The following PTPRA variants were observed in gnomAD, a reference collection of about 807,000 sequenced individuals.
PTPRA encodes the protein receptor-type tyrosine-protein phosphatase alpha.
A neutral mutation model predicts 104.8 loss-of-function variants in PTPRA; 25 were observed. The ratio of observed to expected loss-of-function variants is 0.24; its 90% CI spans 0.17 to 0.33. The LOEUF is 0.33. PTPRA is among the 10% of genes least tolerant of loss of function. The pLI, the probability that PTPRA is intolerant of heterozygous loss-of-function variation, is 1.00. For missense variants in PTPRA, 765 were observed against 1,015.3 expected (o/e 0.75, Z 3.35); for synonymous variants, 323 against 368.9 (o/e 0.88, Z 1.43).
chr20:2,930,149 CA>C (rs1449858780), intron 2 of PTPRA, among the ~76,000 whole-genome samples: 2 of 152,130 alleles, frequency 1.3e-5, no homozygotes, highest in African/African-American at 2.4e-5. Flanking sequence ...TGAATATAGA[CA>C]TTTAAGAAGG....
At chr20:2,958,017 C>T (rs2061600370) in intron 3 of PTPRA, among the ~76,000 whole-genome samples, 1 of 151,252 alleles carries the variant, frequency 6.6e-6, no homozygotes, top group African/African-American at 2.4e-5. Flanking sequence ...TTTTTCTTTC[C>T]ATGTTGGTGT....
chr20:2,923,932 T>C (rs1232340517), intron 2 of PTPRA, among the ~76,000 whole-genome samples: 2 of 152,206 alleles, frequency 1.3e-5, no homozygotes, highest in Non-Finnish European at 1.5e-5. Flanking sequence ...TAGAAAACTC[T>C]TTGGCAATAT....
At chr20:2,932,251 G>A (rs2060534057) in intron 2 of PTPRA, among the ~76,000 whole-genome samples, 1 of 152,050 alleles carries the variant, frequency 6.6e-6, no homozygotes, top group Middle Eastern at 3.2e-3. Context: ...TGAGAACGAA[G>A]GATTTAAGAA....
At position 3,028,244 on chromosome 20, in the gene PTPRA, G is replaced by A. The variant is rs544511595; in HGVS notation, c.1920+403G>A. Among the ~76,000 whole-genome samples the A allele has an allele frequency of 3.9e-5, 6 of 152,312 alleles. No homozygotes were observed. In the South Asian group the frequency reaches 1.2e-3, roughly 32 times the overall value. ...AGGGCAGATAGGTCAAGGTTCTGAG[G>A]TGGACCCAATATGAGTGTCCCTAAG... On this transcript the variant is annotated intron_variant, in intron 20 of 23. Coordinates refer to ENST00000399903, the MANE Select transcript of PTPRA (RefSeq NM_001385305.1).
In PTPRA at chr20:3,022,898, C is replaced by T; in HGVS notation, c.1464+74C>T. 1 of 1,592,286 alleles carries T rather than the reference C, an allele frequency of 6.3e-7. No individual in the cohort carries two copies. Among genetic ancestry groups the T allele is most frequent in the Non-Finnish European group, 8.6e-7 (1 of 1,167,530 alleles). On this transcript the variant is annotated intron_variant, in intron 16 of 23. Coordinates refer to ENST00000399903, the MANE Select transcript of PTPRA (RefSeq NM_001385305.1). This position sits in a 1 kb window ranked among gnomAD's most constrained non-coding sequence, Gnocchi z 4.6. The stretch of plus-strand genomic sequence containing the variant: ...CATCTGCCCACATTGAGGATTCACT[C>T]AGTCTCACAGGTTATTGTAAATGAT...
chr20:2,918,663 G>A (rs974072853), intron 1 of PTPRA, among the ~76,000 whole-genome samples: 1 of 152,206 alleles, frequency 6.6e-6, no homozygotes, highest in South Asian at 2.1e-4. Context: ...TGTGCACATT[G>A]CACCATACTT....
chr20:2,916,421 T>A lies in PTPRA; in HGVS notation c.-128-6786T>A, dbSNP rs535305533. On this transcript the variant is annotated intron_variant, in intron 1 of 23. Transcript: ENST00000399903. Reference sequence around the variant, plus strand: ...AATATCCAGTTGTCCCAGTGCCATTTGTTGAAGAGCCTGTTCTTTCCCCAT... The same window carrying A: ...AATATCCAGTTGTCCCAGTGCCATTAGTTGAAGAGCCTGTTCTTTCCCCAT... 3.9e-5 allele frequency among the ~76,000 whole-genome samples: 6 copies of A among 152,376 alleles called. No individual in the cohort carries two copies. The South Asian group carries it at 1.0e-3, about 26-fold the overall frequency.
chr20:2,944,951 A>G (rs1485507453), intron 2 of PTPRA, among the ~76,000 whole-genome samples: 1 of 151,850 alleles, frequency 6.6e-6, no homozygotes. Context: ...CTTCTGTTCC[A>G]TTTCTCCCTT....
rs990322411 is a variant in PTPRA at position 2,873,522 on chromosome 20, A to ACG, written c.-354_-353dup. On this transcript the variant is annotated 5_prime_UTR_variant, in exon 1 of 24. Coordinates refer to ENST00000399903, the MANE Select transcript of PTPRA (RefSeq NM_001385305.1). The surrounding 1 kb of genome is among the most constrained non-coding windows in gnomAD (Gnocchi z 4.4). ...TGCGGCGAGTGCGGCGCTGACAGAG[A>ACG]CGCGCGCGCGCGCGATCGCGCTCGG... 1.9e-4 allele frequency: 29 copies of ACG among 151,208 alleles called. 1 individual carries two copies. Among genetic ancestry groups the ACG allele is most frequent in the Admixed American group, 8.5e-4 (13 of 15,236 alleles). 9.4% of individuals were successfully genotyped at this position (151,208 alleles called of 1,614,324 possible). A position where few individuals can be genotyped will look rare whatever the true frequency, so the allele number is the denominator to read the frequency against.
intron 1 of PTPRA, among the ~76,000 whole-genome samples, chr20:2,904,136 G>C (rs990534344): frequency 6.6e-6 from 1 of 151,952 alleles, no homozygotes; most frequent in Non-Finnish European, 1.5e-5. Flanking sequence ...GGCTGGTCTT[G>C]AACTCCTGGG....
At chr20:2,887,857 T>C (rs2090467311) in intron 1 of PTPRA, among the ~76,000 whole-genome samples, 1 of 152,192 alleles carries the variant, frequency 6.6e-6, no homozygotes, top group African/African-American at 2.4e-5. Context: ...ATACTTCTGC[T>C]CTCCTGGTTC....
At position 2,914,880 on chromosome 20, in the gene PTPRA, C is replaced by T. The variant is rs889914121; in HGVS notation, c.-128-8327C>T. Among the ~76,000 whole-genome samples the T allele has an allele frequency of 3.3e-5, 5 of 152,116 alleles. No homozygotes were observed. In the East Asian group the frequency reaches 7.7e-4, roughly 23 times the overall value. On this transcript the variant is annotated intron_variant, in intron 1 of 23. Transcript: ENST00000399903. ...GTACAGAAGGGTAAAACATTTGAGT[C>T]GCTATTGGGTAACGTGTATTCCTAG...
At chr20:2,979,777 C>T (rs917648311) in intron 6 of PTPRA, among the ~76,000 whole-genome samples, 13 of 152,246 alleles carry the variant, frequency 8.5e-5, no homozygotes, top group Non-Finnish European at 1.6e-4. Flanking sequence ...CTCCTGGCCT[C>T]AAGCAGTCCT....
chr20:2,990,928 T>C (rs78458087), intron 9 of PTPRA, among the ~76,000 whole-genome samples: 4 of 151,992 alleles, frequency 2.6e-5, no homozygotes, highest in African/African-American at 9.7e-5. Context: ...ATATAGAGAA[T>C]AGATAAAAGG....
At chr20:2,909,973 T>TAA (rs199576065) in intron 1 of PTPRA, among the ~76,000 whole-genome samples, 2,495 of 117,390 alleles carry the variant, frequency 0.021, 106 homozygotes, top group African/African-American at 0.08. Flanking sequence ...GATATATATA[T>TAA]AATCTATCAT....
intron 1 of PTPRA, among the ~76,000 whole-genome samples, chr20:2,884,536 T>C (rs1380710364): frequency 1.3e-5 from 2 of 152,222 alleles, no homozygotes. Context: ...ATGATGTGCA[T>C]CTTTTCATGT....
chr20:3,026,109 C>T (rs2148459033), intron 17 of PTPRA, among the ~76,000 whole-genome samples: 1 of 151,842 alleles, frequency 6.6e-6, no homozygotes, highest in East Asian at 2.0e-4. Flanking sequence ...CTACCCCCGG[C>T]TAATTTTTAG....
At chr20:3,015,367 A>G (rs995557514) in intron 11 of PTPRA, among the ~76,000 whole-genome samples, 1 of 149,534 alleles carries the variant, frequency 6.7e-6, no homozygotes, top group African/African-American at 2.5e-5. Context: ...CAGTGGCGCA[A>G]TCTTGGCTTG....
intron 1 of PTPRA, among the ~76,000 whole-genome samples, chr20:2,908,043 T>C (rs1354457107): frequency 6.0e-4 from 91 of 152,204 alleles, no homozygotes; most frequent in Non-Finnish European, 8.8e-5. Context: ...CATGATTTAA[T>C]TCACTTATCA....
Sources: allele counts gnomAD v4.1 joint callset (sites outside exome capture counted in the v4.1 genomes callset), GRCh38; gene constraint gnomAD v4.1.1; non-coding constraint Gnocchi (gnomAD v3.1); transcripts MANE v1.5; gene names NCBI Gene and HGNC (gene_info 2026-07-23, HGNC 2026-07-21).